The following PRUNE2 variants were observed in gnomAD, a reference collection of about 807,000 sequenced individuals.
PRUNE2 encodes the protein prune homolog 2 with BCH domain.
PRUNE2 carries 164 observed loss-of-function variants against 252.0 expected under a neutral mutation model. The ratio of observed to expected loss-of-function variants is 0.65; its 90% CI spans 0.57 to 0.74. PRUNE2 has a LOEUF of 0.74. Ranked by LOEUF, PRUNE2 falls within the 30% of genes least tolerant of loss-of-function variation. The probability of loss-of-function intolerance (pLI) is 0.00; values close to 1 mark genes in which losing one functional copy is unlikely to be tolerated. For missense variants in PRUNE2, 3,495 were observed against 3,711.0 expected, an observed-to-expected ratio of 0.94 and a Z score of 1.51; for synonymous variants, 1,292 against 1,350.2, an observed-to-expected ratio of 0.96 and a Z score of 0.94.
chr9:76,802,992 T>C (rs774148082), intron 6 of PRUNE2, among the ~76,000 whole-genome samples: 2 of 152,170 alleles, frequency 1.3e-5, no homozygotes, highest in East Asian at 3.9e-4. Flanking sequence ...GTTCCAGAGA[T>C]ATCCAATATC....
chr9:76,641,810 T>G, intron 12 of PRUNE2: 1 of 795,604 alleles, frequency 1.3e-6, no homozygotes, highest in Non-Finnish European at 1.9e-6. Context: ...CAGACAGGCA[T>G]GAAAGGGATG....
Position 76,822,739 on chromosome 9 carries a change from G to A in PRUNE2, c.756+893C>T, listed in dbSNP as rs562584254. On this transcript the variant is annotated intron_variant, in intron 6 of 18. Transcript: ENST00000376718. ...GGAGAATCACTTGAACCCAGGAGGT[G>A]GAGGTTGCAGTGAGCTGAGATGGTG... Among the ~76,000 whole-genome samples, 9 of 152,198 alleles carry A rather than the reference G, an allele frequency of 5.9e-5. No homozygotes were observed. In the East Asian group the frequency reaches 1.7e-3, roughly 29 times the overall value.
At chr9:76,879,878 CATATATATAT>C (rs1391636538) in intron 1 of PRUNE2, among the ~76,000 whole-genome samples, 4 of 75,374 alleles carry the variant, frequency 5.3e-5, no homozygotes, top group African/African-American at 6.8e-5. Context: ...AGAGGCCTGT[CATATATATAT>C]ATATATATAT....
rs200071218 is a variant in PRUNE2 at position 76,703,502 on chromosome 9, C to T, written c.8111G>A (p.Arg2704Gln). ...PVSQSQKSKS[R>Q]GRAGPDAVTL... ...AACTGCATCCGGGCCAGCCCTGCCT[C>T]GGCTCTTACTCTTCTGTGATTGGCT... is the stretch of plus-strand genomic sequence containing the variant. The change falls in exon 9 of 19, where the codon CGA becomes CAA. Residue 2704 changes from arginine to glutamine, a missense_variant. Transcript: ENST00000376718. The T allele has an allele frequency of 1.7e-5, 27 of 1,613,630 alleles. No individual in the cohort carries two copies. Among genetic ancestry groups the T allele is most frequent in the East Asian group, 2.2e-5 (1 of 44,880 alleles).
intron 9 of PRUNE2, among the ~76,000 whole-genome samples, chr9:76,694,181 T>G (rs2045135789): frequency 1.4e-5 from 2 of 142,506 alleles, no homozygotes; most frequent in African/African-American, 5.7e-5. Context: ...TTTTGTTTCG[T>G]TTTTTTTTTG....
At chr9:76,619,258 G>T in intron 18 of PRUNE2, 82 bp downstream of exon 18, 1 of 900,924 alleles carries the variant, frequency 1.1e-6, no homozygotes, top group African/African-American at 1.6e-5. Flanking sequence ...GGTTTACCCA[G>T]TCCTCAGTGT....
Position 76,704,958 on chromosome 9 carries a change from C to A in PRUNE2, c.7316G>T (p.Ser2439Ile), listed in dbSNP as rs3739523. ...TTTGGTCTCAGCCTGGTTTCCCTCACTTCTTCGATCAGGAAGTGCAGAAAG... is the reference window on the plus strand; with the variant it reads ...TTTGGTCTCAGCCTGGTTTCCCTCAATTCTTCGATCAGGAAGTGCAGAAAG... ...IVLSALPDRR[S>I]EGNQAETKNR... Residue 2439 changes from serine (S) to isoleucine (I), a missense_variant, in exon 8 of 19, where the codon AGT becomes ATT. Transcript: ENST00000376718. 47,743 of 1,613,080 alleles carry A rather than the reference C, an allele frequency of 0.03. 1,507 individuals carry two copies. The highest frequency in any genetic ancestry group is 0.15 in the East Asian group (6,787 of 44,834).
chr9:76,698,506 C>G (rs1231320246), intron 9 of PRUNE2, among the ~76,000 whole-genome samples: 2 of 152,206 alleles, frequency 1.3e-5, no homozygotes, highest in African/African-American at 4.8e-5. Flanking sequence ...GGCAAGGGCG[C>G]ACTGGAGTTT....
At chr9:76,847,241 A>G (rs7865703) in intron 3 of PRUNE2, among the ~76,000 whole-genome samples, 2,764 of 151,896 alleles carry the variant, frequency 0.018, 94 homozygotes, top group African/African-American at 0.062. Context: ...CAGGAGAATC[A>G]CTTGAACCAT....
At chr9:76,673,623 A>G (rs1471835377) in intron 9 of PRUNE2, among the ~76,000 whole-genome samples, 1 of 150,278 alleles carries the variant, frequency 6.7e-6, no homozygotes, top group African/African-American at 2.5e-5. Flanking sequence ...TTAGACCAAT[A>G]TCTTTGATGA....
At position 76,612,229 on chromosome 9, in the gene PRUNE2, T is replaced by C. The variant is rs898698917; in HGVS notation, c.*2341A>G. 6.6e-6 allele frequency: 1 copy of C among 152,208 alleles called. No individual in the cohort carries two copies. Among genetic ancestry groups the C allele is most frequent in the Non-Finnish European group, 1.5e-5 (1 of 68,044 alleles). The allele number at this position is 152,208 out of a possible 1,614,324, so 9.4% of individuals were successfully genotyped here. ...TTGGGACAAATGCCCATAATTTTCA[T>C]GTAGGAAGATGAGGCTTCAAACAGC... is the stretch of plus-strand genomic sequence containing the variant. On this transcript the variant is annotated 3_prime_UTR_variant, in exon 19 of 19. Transcript: ENST00000376718.
chr9:76,846,658 G>A lies in PRUNE2; in HGVS notation c.365C>T (p.Ser122Leu), dbSNP rs1367689924. The change falls in exon 4 of 19, where the codon TCA (serine) becomes TTA (leucine). Residue 122 changes from serine to leucine, a missense_variant. By Grantham distance (145) the Ser-to-Leu change is moderately radical. Coordinates refer to ENST00000376718, the MANE Select transcript of PRUNE2 (RefSeq NM_015225.3). ...VLASEDKTLE[S>L]AVVKVINPVE... Reference sequence around the variant, plus strand: ...CGGATTAATGACTTTGACAACTGCTGATTCTAAAGTTTTGTCTTCACTGTA... The same window carrying A: ...CGGATTAATGACTTTGACAACTGCTAATTCTAAAGTTTTGTCTTCACTGTA... The A allele has an allele frequency of 6.2e-7, 1 of 1,613,964 alleles. No homozygotes were observed. Among genetic ancestry groups the A allele is most frequent in the Non-Finnish European group, 8.5e-7 (1 of 1,179,874 alleles).
At chr9:76,794,629 AAG>A (rs1283988526) in intron 6 of PRUNE2, among the ~76,000 whole-genome samples, 10 of 123,690 alleles carry the variant, frequency 8.1e-5, no homozygotes, top group African/African-American at 4.0e-4. Flanking sequence ...AAAAAAAAAA[AAG>A]AAAAGAAAAG....
chr9:76,776,893 TACACACACACACACACACACAC>T (rs541232508), intron 6 of PRUNE2, among the ~76,000 whole-genome samples: 5 of 115,616 alleles, frequency 4.3e-5, no homozygotes, highest in East Asian at 2.3e-4. Context: ...CCAAAACACA[TACACACACACACACACACACAC>T]ACACACACAC....
chr9:76,844,463 C>T (rs1306459408), intron 4 of PRUNE2, among the ~76,000 whole-genome samples: 1 of 152,198 alleles, frequency 6.6e-6, no homozygotes, highest in Non-Finnish European at 1.5e-5. Flanking sequence ...CAGCACTATG[C>T]TTTTCCTACA....
chr9:76,785,106 C>T (rs1401146030), intron 6 of PRUNE2: 1 of 152,274 alleles, frequency 6.6e-6, no homozygotes, highest in African/African-American at 2.4e-5. Context: ...CCCCATCCCT[C>T]CAGCCTTATC....
chr9:76,644,415 G>A (rs570146489), intron 12 of PRUNE2: 31 of 388,230 alleles, frequency 8.0e-5, no homozygotes, highest in African/African-American at 1.9e-4. Context: ...CAGTTCAACC[G>A]TACAATGGAC....
intron 6 of PRUNE2, chr9:76,733,529 C>T (rs1048338800): frequency 2.6e-5 from 4 of 152,190 alleles, no homozygotes; most frequent in African/African-American, 9.7e-5. Context: ...CCACCTCTGC[C>T]TCCCACGAAG....
chr9:76,678,628 G>A (rs889520132), intron 9 of PRUNE2, among the ~76,000 whole-genome samples: 2 of 152,034 alleles, frequency 1.3e-5, no homozygotes, highest in Non-Finnish European at 2.9e-5. Context: ...AGGAGATAGA[G>A]ACCATCCTGG....
Sources: gnomAD v4.1 joint callset for allele counts (sites outside exome capture counted in the v4.1 genomes callset) on GRCh38, gnomAD v4.1.1 for gene constraint, MANE v1.5 for transcripts, NCBI Gene and HGNC (gene_info 2026-07-23, HGNC 2026-07-21) for gene names.